TNR: variants seen among roughly 807,000 people sequenced by gnomAD.
The protein encoded by TNR is tenascin-R.
A neutral mutation model predicts 150.4 loss-of-function variants in TNR; 45 were observed. The ratio of observed to expected loss-of-function variants is 0.30; its 90% CI spans 0.24 to 0.38. TNR has a LOEUF of 0.38. TNR is among the 10% of genes least tolerant of loss of function. The pLI, the probability that TNR is intolerant of heterozygous loss-of-function variation, is 1.00. For missense variants in TNR, 1,544 were observed against 1,759.1 expected, an observed-to-expected ratio of 0.88 and a Z score of 2.19; for synonymous variants, 687 against 678.4, an observed-to-expected ratio of 1.01 and a Z score of -0.20.
intron 1 of TNR, among the ~76,000 whole-genome samples, chr1:175,626,725 C>A (rs1303076361): frequency 6.6e-6 from 1 of 152,036 alleles, no homozygotes; most frequent in Admixed American, 6.6e-5. Flanking sequence ...AATGCTGGGC[C>A]CCAGAAGATA....
At chr1:175,730,117 C>A (rs945824536) in intron 1 of TNR, among the ~76,000 whole-genome samples, 8 of 152,252 alleles carry the variant, frequency 5.3e-5, no homozygotes, top group Non-Finnish European at 1.0e-4. Context: ...ACCATTCTCA[C>A]TACCGCCTGC....
chr1:175,726,361 G>C (rs887697299), intron 1 of TNR, among the ~76,000 whole-genome samples: 1 of 152,210 alleles, frequency 6.6e-6, no homozygotes, highest in African/African-American at 2.4e-5. Flanking sequence ...GGAAGTCCAG[G>C]TTGCTGCTGA....
intron 1 of TNR, among the ~76,000 whole-genome samples, chr1:175,715,361 A>C (rs1667126755): frequency 6.6e-6 from 1 of 152,128 alleles, no homozygotes. Context: ...TGGCATCTTC[A>C]TTCTTTTCCC....
chr1:175,496,848 A>G (rs954040237), intron 2 of TNR, among the ~76,000 whole-genome samples: 1 of 152,214 alleles, frequency 6.6e-6, no homozygotes, highest in African/African-American at 2.4e-5. Flanking sequence ...TTTAATCCTC[A>G]TAACAACCCT....
At chr1:175,632,908 C>T (rs6681098) in intron 1 of TNR, among the ~76,000 whole-genome samples, 43,423 of 152,008 alleles carry the variant, frequency 0.29, 7,370 homozygotes, top group East Asian at 0.53. Flanking sequence ...CCTCCCTATA[C>T]AAGGTTATGA....
intron 2 of TNR, among the ~76,000 whole-genome samples, chr1:175,463,615 T>C (rs1656910390): frequency 6.6e-6 from 1 of 152,214 alleles, no homozygotes; most frequent in Non-Finnish European, 1.5e-5. Flanking sequence ...CCCTTTCTCG[T>C]AGCCCTTTTA....
intron 13 of TNR, 114 bp downstream of exon 13, chr1:175,363,594 C>T (rs1290433769): frequency 2.2e-6 from 3 of 1,392,976 alleles, no homozygotes; most frequent in Non-Finnish European, 2.9e-6. Context: ...ATGCAGCATG[C>T]CACAGAGAAG....
At chr1:175,664,680 G>T (rs1002442996) in intron 1 of TNR, among the ~76,000 whole-genome samples, 1 of 152,160 alleles carries the variant, frequency 6.6e-6, no homozygotes. Context: ...CCACAGGAGA[G>T]GTAAAAGATG....
At chr1:175,553,987 G>A (rs1440607219) in intron 1 of TNR, among the ~76,000 whole-genome samples, 1 of 152,166 alleles carries the variant, frequency 6.6e-6, no homozygotes, top group Admixed American at 6.6e-5. Context: ...GCTGAATGCT[G>A]ATGAAAAATG....
chr1:175,583,368 T>C (rs1662439383), intron 1 of TNR, among the ~76,000 whole-genome samples: 1 of 152,148 alleles, frequency 6.6e-6, no homozygotes, highest in Admixed American at 6.5e-5. Context: ...GAGGAGCCTG[T>C]TGAGCTGACC....
chr1:175,432,328 T>C (rs1655311023), intron 2 of TNR, among the ~76,000 whole-genome samples: 1 of 152,156 alleles, frequency 6.6e-6, no homozygotes, highest in Non-Finnish European at 1.5e-5. Context: ...GAGAAAAGAC[T>C]GGAACAACTG....
At chr1:175,437,723 A>T (rs1266394760) in intron 2 of TNR, among the ~76,000 whole-genome samples, 1 of 152,222 alleles carries the variant, frequency 6.6e-6, no homozygotes, top group Non-Finnish European at 1.5e-5. Context: ...AGAAATACAA[A>T]CTACCATTAG....
intron 2 of TNR, among the ~76,000 whole-genome samples, chr1:175,508,944 G>T (rs928598829): frequency 6.6e-6 from 1 of 152,162 alleles, no homozygotes; most frequent in Non-Finnish European, 1.5e-5. Context: ...ATGAGCTCCT[G>T]GGCAGAAACC....
At chr1:175,568,957 T>G (rs569218135) in intron 1 of TNR, among the ~76,000 whole-genome samples, 1 of 152,170 alleles carries the variant, frequency 6.6e-6, no homozygotes, top group Non-Finnish European at 1.5e-5. Flanking sequence ...TCCACTTTTT[T>G]TTTTAAGTAA....
chr1:175,532,011 C>T (rs1660088862), intron 1 of TNR, among the ~76,000 whole-genome samples: 1 of 152,220 alleles, frequency 6.6e-6, no homozygotes, highest in African/African-American at 2.4e-5. Flanking sequence ...TTAGGTGAGT[C>T]ATGGACTTTA....
chr1:175,553,671 A>C (rs529400022), intron 1 of TNR, among the ~76,000 whole-genome samples: 1 of 152,316 alleles, frequency 6.6e-6, no homozygotes, highest in Admixed American at 6.5e-5. Flanking sequence ...AGAAAGAAAA[A>C]TACAATAATA....
chr1:175,596,392 G>C (rs776422090), intron 1 of TNR, among the ~76,000 whole-genome samples: 1 of 152,112 alleles, frequency 6.6e-6, no homozygotes. Flanking sequence ...CATGACGTCT[G>C]CCCTACTTCC....
intron 1 of TNR, among the ~76,000 whole-genome samples, chr1:175,663,253 C>T (rs1665431372): frequency 6.6e-6 from 1 of 152,124 alleles, no homozygotes; most frequent in Admixed American, 6.5e-5. Flanking sequence ...TCTCTTTTTC[C>T]CCTCAGAATC....
chr1:175,315,270 G>A lies in TNR; in HGVS notation c.*8087C>T, dbSNP rs1181050319. On this transcript the variant is annotated 3_prime_UTR_variant, in exon 23 of 23. Coordinates refer to ENST00000367674, the MANE Select transcript of TNR (RefSeq NM_003285.3). ...CTATACAGAGGCTAAAAGCAACCAG[G>A]ACTAAAAATACTAGTTAACAATGGT... The A allele has an allele frequency of 6.6e-6, 1 of 152,144 alleles. No homozygotes were observed. Among genetic ancestry groups the A allele is most frequent in the African/African-American group, 2.4e-5 (1 of 41,422 alleles). The allele number at this position is 152,144 out of a possible 1,614,324, so 9.4% of individuals were successfully genotyped here.
Sources: allele counts gnomAD v4.1 joint callset (sites outside exome capture counted in the v4.1 genomes callset), GRCh38; gene constraint gnomAD v4.1.1; transcripts MANE v1.5; gene names NCBI Gene and HGNC (gene_info 2026-07-23, HGNC 2026-07-21).